Variants in STAG1 observed in about 807,000 individuals in gnomAD.
STAG1 encodes the protein cohesin subunit SA-1.
In STAG1, 26 loss-of-function variants were observed where a neutral mutation model predicts 170.9. That is an observed-to-expected ratio of 0.15 (90% CI 0.11 to 0.21). The LOEUF is 0.21. STAG1 is among the 10% of genes least tolerant of loss of function. The pLI, the probability that STAG1 is intolerant of heterozygous loss-of-function variation, is 1.00. For synonymous variants in STAG1, 514 were observed against 497.7 expected (o/e 1.03, Z -0.44); for missense variants, 964 against 1,509.5 (o/e 0.64, Z 5.99).
At chr3:136,548,126 T>G (rs893759383) in intron 5 of STAG1, among the ~76,000 whole-genome samples, 4 of 151,974 alleles carry the variant, frequency 2.6e-5, no homozygotes, top group Non-Finnish European at 1.5e-5. Flanking sequence ...TTTGTTTTTT[T>G]TTTTTGAGAC....
chr3:136,663,611 C>G (rs550854984), intron 1 of STAG1, among the ~76,000 whole-genome samples: 23 of 152,110 alleles, frequency 1.5e-4, no homozygotes, highest in Non-Finnish European at 2.9e-4. Context: ...AAAATAAACT[C>G]TTAGAAAAAC....
intron 9 of STAG1, among the ~76,000 whole-genome samples, chr3:136,497,599 G>C (rs1933183269): frequency 1.3e-5 from 2 of 152,150 alleles, no homozygotes; most frequent in East Asian, 3.9e-4. Context: ...CCAGCACTTT[G>C]GGAGGCCGAG....
intron 12 of STAG1, among the ~76,000 whole-genome samples, 155 bp from the exon 13 acceptor site, chr3:136,465,143 G>A (rs572466724): frequency 6.6e-6 from 1 of 151,206 alleles, no homozygotes; most frequent in East Asian, 2.0e-4. Context: ...TCCCCTTTAA[G>A]TATAAAAGAC....
chr3:136,680,128 G>A (rs188466914), intron 1 of STAG1, among the ~76,000 whole-genome samples: 6 of 152,044 alleles, frequency 3.9e-5, no homozygotes, highest in Admixed American at 6.6e-5. Context: ...AAAATTAGCC[G>A]TGCACGCCTG....
At chr3:136,355,580 C>A (rs1576383524) in intron 28 of STAG1, among the ~76,000 whole-genome samples, 1 of 152,024 alleles carries the variant, frequency 6.6e-6, no homozygotes, top group South Asian at 2.1e-4. Flanking sequence ...GCTAACTAGA[C>A]AGAACACACA....
chr3:136,592,900 T>C (rs1938254628), intron 4 of STAG1, among the ~76,000 whole-genome samples: 1 of 152,216 alleles, frequency 6.6e-6, no homozygotes, highest in African/African-American at 2.4e-5. Context: ...CAACTTGGTA[T>C]AGATGATGCA....
intron 1 of STAG1, among the ~76,000 whole-genome samples, chr3:136,726,718 C>T (rs1435703906): frequency 1.3e-5 from 2 of 152,184 alleles, no homozygotes; most frequent in African/African-American, 4.8e-5. Context: ...GCCACTGCAC[C>T]CGTCCTAGAA....
intron 14 of STAG1, among the ~76,000 whole-genome samples, chr3:136,444,050 CA>C (rs2107763581): frequency 6.6e-6 from 1 of 152,168 alleles, no homozygotes; most frequent in East Asian, 1.9e-4. Flanking sequence ...TACCACTTGC[CA>C]GTCATTAAGC....
chr3:136,422,949 T>C lies in STAG1; in HGVS notation c.1743+3A>G, dbSNP rs199737999. 1,284 of 1,596,944 alleles carry C rather than the reference T, an allele frequency of 8.0e-4. 27 individuals are homozygous for C. The South Asian group carries it at 9.6e-3, about 12-fold the overall frequency. On this transcript the variant is annotated splice_donor_region_variant and intron_variant, in intron 17 of 33. Transcript: ENST00000383202. Reference sequence around the variant, plus strand: ...CATAACAAAACTGTAAATGAAACTGTACCTTTGACAGTAACATAGGAAGTG... The same window carrying C: ...CATAACAAAACTGTAAATGAAACTGCACCTTTGACAGTAACATAGGAAGTG...
chr3:136,375,813 C>CA (rs914224256), intron 23 of STAG1, among the ~76,000 whole-genome samples: 2 of 150,928 alleles, frequency 1.3e-5, no homozygotes, highest in African/African-American at 4.9e-5. Flanking sequence ...ACTAAAAATA[C>CA]AAAAAAATTA....
At chr3:136,746,276 T>A (rs548773364) in intron 1 of STAG1, among the ~76,000 whole-genome samples, 2 of 152,304 alleles carry the variant, frequency 1.3e-5, no homozygotes, top group South Asian at 4.1e-4. Flanking sequence ...CAAGCCCCTA[T>A]TATATCATTT....
chr3:136,511,866 A>AT (rs1466974153), intron 7 of STAG1, among the ~76,000 whole-genome samples: 1 of 152,168 alleles, frequency 6.6e-6, no homozygotes, highest in Non-Finnish European at 1.5e-5. Flanking sequence ...TAACCACAAT[A>AT]TAAGAATATA....
At position 136,422,492 on chromosome 3, in the gene STAG1, T is replaced by C; in HGVS notation, c.1955A>G (p.Asn652Ser). The change falls in exon 19 of 34, where the codon AAC becomes AGC. Residue 652 changes from asparagine to serine, a missense_variant. Asn to Ser is a conservative substitution (Grantham distance 46, BLOSUM62 1). Around this residue, in one of 11 missense-constraint regions of STAG1, gnomAD observed 232 missense variants for 313.0 expected, o/e 0.74. Coordinates refer to ENST00000383202, the MANE Select transcript of STAG1 (RefSeq NM_005862.3). ...CTGGCTTCGAGCTATGTCAACTCTGTTCTGGATGGTATATTCTTCACTGCA... is the reference window on the plus strand; with the variant it reads ...CTGGCTTCGAGCTATGTCAACTCTGCTCTGGATGGTATATTCTTCACTGCA... Reference protein sequence around the residue: ...ILCSEEYTIQNRVDIARSQLI... With the variant: ...ILCSEEYTIQSRVDIARSQLI... 2 of 1,614,086 alleles carry C rather than the reference T, an allele frequency of 1.2e-6. No homozygotes were observed. Among genetic ancestry groups the C allele is most frequent in the Non-Finnish European group, 8.5e-7 (1 of 1,179,990 alleles).
intron 1 of STAG1, among the ~76,000 whole-genome samples, chr3:136,722,849 G>A (rs1319341661): frequency 1.3e-5 from 2 of 152,144 alleles, no homozygotes; most frequent in East Asian, 3.9e-4. Flanking sequence ...GCGCCACCAC[G>A]CCTGACTGGT....
chr3:136,594,864 G>C (rs1173856038), intron 4 of STAG1, among the ~76,000 whole-genome samples: 1 of 152,028 alleles, frequency 6.6e-6, no homozygotes, highest in African/African-American at 2.4e-5. Flanking sequence ...TTGACTTCCC[G>C]GGCTCAGGTG....
chr3:136,644,516 C>T (rs112760441), intron 1 of STAG1, among the ~76,000 whole-genome samples: 177 of 152,200 alleles, frequency 1.2e-3, no homozygotes, highest in African/African-American at 2.5e-3. Flanking sequence ...ATATAAAAAA[C>T]CCACGGAATT....
At chr3:136,674,341 G>A (rs1016361955) in intron 1 of STAG1, among the ~76,000 whole-genome samples, 2 of 152,102 alleles carry the variant, frequency 1.3e-5, no homozygotes, top group African/African-American at 4.8e-5. Flanking sequence ...ACTAATAAAT[G>A]CAAAAACATG....
At chr3:136,552,017 A>C (rs891976586) in intron 5 of STAG1, among the ~76,000 whole-genome samples, 1 of 152,164 alleles carries the variant, frequency 6.6e-6, no homozygotes. Context: ...TGTTCTCTGC[A>C]TACCCAACAG....
At chr3:136,441,125 A>C (rs1454234801) in intron 15 of STAG1, among the ~76,000 whole-genome samples, 1 of 146,642 alleles carries the variant, frequency 6.8e-6, no homozygotes. Context: ...CTCTGCCTCC[A>C]GGGTTTAAGT....
Sources: gnomAD v4.1 joint callset for allele counts (sites outside exome capture counted in the v4.1 genomes callset) on GRCh38, gnomAD v4.1.1 for gene constraint, gnomAD v4.1.1 regional missense constraint, MANE v1.5 for transcripts, NCBI Gene and HGNC (gene_info 2026-07-23, HGNC 2026-07-21) for gene names.